LRRC38: variants seen among roughly 807,000 people sequenced by gnomAD.
LRRC38 encodes the protein leucine rich repeat containing 38.
Under a neutral mutation model 16.4 loss-of-function variants are expected in LRRC38, and 5 were observed. That is an observed-to-expected ratio of 0.31 (90% CI 0.16 to 0.64). LRRC38 has a LOEUF of 0.64. Ranked by LOEUF, LRRC38 falls within the 30% of genes least tolerant of loss-of-function variation. LRRC38 has a pLI of 0.80. For synonymous variants in LRRC38, 191 were observed against 190.2 expected (o/e 1.00, Z -0.04); for missense variants, 341 against 401.8 (o/e 0.85, Z 1.29).
In LRRC38 at chr1:13,475,418, G is replaced by A. The variant is rs1638774737; in HGVS notation, c.*428C>T. On this transcript the variant is annotated 3_prime_UTR_variant, in exon 2 of 2. Transcript: ENST00000376085. This position sits in a 1 kb window ranked among gnomAD's most constrained non-coding sequence, Gnocchi z 4.3. ...ATCCGAATTTGAATCTCCACTGTTT[G>A]AGCTGCTGTTTCTTGGGAGGAAGGC... The A allele has an allele frequency of 5.9e-6, 1 of 169,996 alleles. No homozygotes were observed. Among genetic ancestry groups the A allele is most frequent in the Non-Finnish European group, 1.3e-5 (1 of 77,662 alleles). 10.5% of individuals were successfully genotyped at this position (169,996 alleles called of 1,614,324 possible). A position where few individuals can be genotyped will look rare whatever the true frequency, so the allele number is the denominator to read the frequency against.
intron 1 of LRRC38, among the ~76,000 whole-genome samples, chr1:13,491,273 C>T (rs939717119): frequency 1.1e-4 from 16 of 152,198 alleles, no homozygotes; most frequent in African/African-American, 3.9e-4. Context: ...ACGCAGCAGC[C>T]GTGCTGAGCA....
At chr1:13,496,489 A>G (rs1639082338) in intron 1 of LRRC38, among the ~76,000 whole-genome samples, 1 of 151,976 alleles carries the variant, frequency 6.6e-6, no homozygotes, top group Admixed American at 6.6e-5. Flanking sequence ...TCTTTACTGC[A>G]TTTATCTCTG....
At chr1:13,509,530 T>C (rs1197095781) in intron 1 of LRRC38, among the ~76,000 whole-genome samples, 1 of 152,042 alleles carries the variant, frequency 6.6e-6, no homozygotes, top group Non-Finnish European at 1.5e-5. Context: ...AAGTGTAAAG[T>C]CCTTCCACAC....
chr1:13,508,066 G>A (rs1252782071), intron 1 of LRRC38, among the ~76,000 whole-genome samples: 2 of 151,712 alleles, frequency 1.3e-5, no homozygotes, highest in Admixed American at 6.6e-5. Flanking sequence ...GTAAAACCCC[G>A]TCTCTACTAA....
At chr1:13,504,518 C>T (rs1233383578) in intron 1 of LRRC38, among the ~76,000 whole-genome samples, 1 of 151,830 alleles carries the variant, frequency 6.6e-6, no homozygotes, top group South Asian at 2.1e-4. Flanking sequence ...GCCAGGAGTT[C>T]GAGACCAGCC....
chr1:13,480,142 C>T (rs1391568933), intron 1 of LRRC38, among the ~76,000 whole-genome samples: 1 of 152,104 alleles, frequency 6.6e-6, no homozygotes, highest in African/African-American at 2.4e-5. Flanking sequence ...GTCAGGAGCT[C>T]CAGACCAACC....
intron 1 of LRRC38, among the ~76,000 whole-genome samples, chr1:13,500,349 A>AAGCG (rs1557502950): frequency 1.3e-5 from 2 of 152,176 alleles, no homozygotes; most frequent in Admixed American, 1.3e-4. Context: ...TCTGTGGACA[A>AAGCG]AGCGCAGGAA....
At position 13,504,279 on chromosome 1, in the gene LRRC38, C is replaced by T. The variant is rs573833165; in HGVS notation, c.631+8684G>A. Among the ~76,000 whole-genome samples, 8 of 151,754 alleles carry T rather than the reference C, an allele frequency of 5.3e-5. 1 individual carries two copies. In the South Asian group the frequency reaches 1.7e-3, roughly 31 times the overall value. ...GAACATCAGGGGACTTATCTGCCAT[C>T]GGACAGCTCATTGGAAGCACAGACA... On this transcript the variant is annotated intron_variant, in intron 1 of 1. Coordinates refer to ENST00000376085, the MANE Select transcript of LRRC38 (RefSeq NM_001010847.2).
chr1:13,477,071 C>T (rs1197202665), intron 1 of LRRC38, among the ~76,000 whole-genome samples: 2 of 152,094 alleles, frequency 1.3e-5, no homozygotes, highest in Non-Finnish European at 2.9e-5. Flanking sequence ...CCCCACTGCA[C>T]TCTAGACTGG....
At chr1:13,482,655 G>T (rs1425787753) in intron 1 of LRRC38, among the ~76,000 whole-genome samples, 1 of 152,046 alleles carries the variant, frequency 6.6e-6, no homozygotes, top group Non-Finnish European at 1.5e-5. Flanking sequence ...GGGCTTTGGG[G>T]GCTGGATCAG....
intron 1 of LRRC38, among the ~76,000 whole-genome samples, chr1:13,488,181 G>A (rs1638962220): frequency 6.6e-6 from 1 of 151,678 alleles, no homozygotes; most frequent in South Asian, 2.1e-4. Flanking sequence ...TTATTGTGTA[G>A]ATGAGCCATG....
Position 13,513,083 on chromosome 1 carries a change from C to A in LRRC38, c.511G>T (p.Ala171Ser), listed in dbSNP as rs1261969642. Residue 171 changes from alanine to serine, a missense_variant, in exon 1 of 2, where the codon GCC (alanine) becomes TCC (serine). Transcript: ENST00000376085. ...DNNLRSLSVA[A>S]LAALPALRSL... ...CGCAGCGCGGGCAGCGCGGCCAGGGCGGCCACGCTGAGGCTGCGCAGGTTG... is the reference window on the plus strand; with the variant it reads ...CGCAGCGCGGGCAGCGCGGCCAGGGAGGCCACGCTGAGGCTGCGCAGGTTG... 1 of 1,550,162 alleles carries A rather than the reference C, an allele frequency of 6.5e-7. No homozygotes were observed. Among genetic ancestry groups the A allele is most frequent in the Non-Finnish European group, 8.7e-7 (1 of 1,146,774 alleles).
rs1426480472 is a variant in LRRC38 at position 13,513,328 on chromosome 1, T to C, written c.266A>G (p.Asn89Ser). ...YGDLVYLDFR[N>S]NSLRSLEEGT... ...CTCCTCCAGCGAGCGCAGCGAGTTGTTCCTGAAGTCCAGGTAGACCAGGTC... is the reference window on the plus strand; with the variant it reads ...CTCCTCCAGCGAGCGCAGCGAGTTGCTCCTGAAGTCCAGGTAGACCAGGTC... Residue 89 changes from asparagine to serine, a missense_variant, in exon 1 of 2, where the codon AAC becomes AGC. By Grantham distance (46) the Asn-to-Ser change is conservative. Coordinates refer to ENST00000376085, the MANE Select transcript of LRRC38 (RefSeq NM_001010847.2). The C allele has an allele frequency of 6.4e-7, 1 of 1,550,900 alleles. No individual in the cohort carries two copies. The highest frequency in any genetic ancestry group is 8.7e-7 in the Non-Finnish European group (1 of 1,147,028).
At chr1:13,504,014 C>T (rs1173894300) in intron 1 of LRRC38, among the ~76,000 whole-genome samples, 1 of 152,316 alleles carries the variant, frequency 6.6e-6, no homozygotes, top group African/African-American at 2.4e-5. Flanking sequence ...CTGCTGTCTG[C>T]GTGGGTTGTC....
intron 1 of LRRC38, among the ~76,000 whole-genome samples, chr1:13,506,389 A>G (rs182894924): frequency 6.6e-6 from 1 of 152,292 alleles, no homozygotes; most frequent in Admixed American, 6.5e-5. Context: ...AGAACCACCA[A>G]TGCTCCTGAC....
In LRRC38 at chr1:13,513,312, C is replaced by T; in HGVS notation, c.282G>A (p.Ser94=). 1 of 1,550,720 alleles carries T rather than the reference C, an allele frequency of 6.4e-7. No individual in the cohort carries two copies. The highest frequency in any genetic ancestry group is 8.7e-7 in the Non-Finnish European group (1 of 1,146,988). The change falls in exon 1 of 2, where the codon TCG becomes TCA. Residue 94 remains serine (S), a synonymous_variant. Coordinates refer to ENST00000376085, the MANE Select transcript of LRRC38 (RefSeq NM_001010847.2). ...AGCCGCTGAACGTGCCCTCCTCCAG[C>T]GAGCGCAGCGAGTTGTTCCTGAAGT... is the stretch of plus-strand genomic sequence containing the variant. The part of the protein sequence containing the change: ...YLDFRNNSLR[S]LEEGTFSGSA...
chr1:13,505,044 AC>A (rs1639196668), intron 1 of LRRC38, among the ~76,000 whole-genome samples: 1 of 151,822 alleles, frequency 6.6e-6, no homozygotes, highest in Admixed American at 6.6e-5. Flanking sequence ...CTTAAGAGTA[AC>A]CCTCCTATTT....
chr1:13,501,808 G>A (rs55915809), intron 1 of LRRC38, among the ~76,000 whole-genome samples: 2 of 149,854 alleles, frequency 1.3e-5, no homozygotes, highest in African/African-American at 2.5e-5. Flanking sequence ...ATAGAGTCTC[G>A]CTGTGTTGCC....
intron 1 of LRRC38, among the ~76,000 whole-genome samples, chr1:13,484,219 G>A (rs1638905086): frequency 6.6e-6 from 1 of 152,120 alleles, no homozygotes; most frequent in South Asian, 2.1e-4. Context: ...TGACTAGGCA[G>A]TCACCTTCTC....
Sources: allele counts gnomAD v4.1 joint callset (sites outside exome capture counted in the v4.1 genomes callset), GRCh38; gene constraint gnomAD v4.1.1; non-coding constraint Gnocchi (gnomAD v3.1); transcripts MANE v1.5; gene names NCBI Gene and HGNC (gene_info 2026-07-23, HGNC 2026-07-21).